NXF2B: variants seen among roughly 807,000 people sequenced by gnomAD.
The protein encoded by NXF2B is nuclear RNA export factor 2B, also known as nuclear RNA export factor 2.
chrX:102,404,835 GC>G (rs1404243222), intron 2 of NXF2B, among the ~76,000 whole-genome samples: 1 of 7,241 alleles, frequency 1.4e-4, no homozygotes, highest in African/African-American at 5.1e-4. Flanking sequence ...CTCAGCTCAT[GC>G]CCCCCCAACA....
At chrX:102,392,553 G>A (rs1934290624) in intron 2 of NXF2B, among the ~76,000 whole-genome samples, 1 of 94,391 alleles carries the variant, frequency 1.1e-5, no homozygotes, top group South Asian at 4.1e-4. Flanking sequence ...AATGGCACGT[G>A]TCCCAGTGAA....
At chrX:102,404,895 G>A (rs1220828252) in intron 2 of NXF2B, among the ~76,000 whole-genome samples, 1 of 27,241 alleles carries the variant, frequency 3.7e-5, no homozygotes, top group Non-Finnish European at 6.3e-5. Flanking sequence ...ACTGATCCCA[G>A]TGATCAGAAC....
intron 2 of NXF2B, among the ~76,000 whole-genome samples, chrX:102,397,581 C>G (rs1231976289): frequency 1.4e-5 from 1 of 69,857 alleles, no homozygotes; most frequent in Non-Finnish European, 2.7e-5. Context: ...TATAAAAACC[C>G]TAGAAGAAAA....
chrX:102,397,157 TTTCTTCACAGAA>T (rs1480263873), intron 2 of NXF2B, among the ~76,000 whole-genome samples: 4 of 82,513 alleles, frequency 4.8e-5, no homozygotes, highest in Non-Finnish European at 7.2e-5. Context: ...TACCAATGAC[TTTCTTCACAGAA>T]TTGGAAAAAA....
chrX:102,412,594 G>GAAGAAGAAGAA (rs1569471524), intron 2 of NXF2B, among the ~76,000 whole-genome samples: 78 of 4,928 alleles, frequency 0.016, 4 homozygotes, highest in South Asian at 0.052. Flanking sequence ...AAGAGGAAGA[G>GAAGAAGAAGAA]GAAGAAGAAG....
chrX:102,439,749 G>A (rs1184467660), intron 1 of NXF2B, 121 bp downstream of exon 1: 2 of 16,821 alleles, frequency 1.2e-4, no homozygotes, highest in Non-Finnish European at 2.3e-4. Flanking sequence ...AGCCGAGATC[G>A]CGACATTACG....
chrX:102,386,111 AT>A (rs1463839951), intron 2 of NXF2B, among the ~76,000 whole-genome samples: 1 of 114,886 alleles, frequency 8.7e-6, no homozygotes, highest in African/African-American at 3.1e-5. Context: ...CCAAGCCCTA[AT>A]TTTTTTGTAT....
chrX:102,438,403 G>A (rs1480731602), intron 2 of NXF2B, 150 bp downstream of exon 2: 1 of 24,356 alleles, frequency 4.1e-5, no homozygotes, highest in Non-Finnish European at 9.4e-5. Flanking sequence ...GTGTTCAGCC[G>A]CCCCCATAAC....
chrX:102,393,587 T>TAC (rs1934305343), intron 2 of NXF2B, among the ~76,000 whole-genome samples: 1 of 37,473 alleles, frequency 2.7e-5, no homozygotes, highest in Non-Finnish European at 4.6e-5. Context: ...TATATATATA[T>TAC]ATATATGGAA....
intron 2 of NXF2B, among the ~76,000 whole-genome samples, chrX:102,398,292 AG>A (rs1216135791): frequency 7.0e-5 from 3 of 42,666 alleles, no homozygotes; most frequent in Non-Finnish European, 1.2e-4. Context: ...TGTGGTGAAA[AG>A]GGAACACTTT....
intron 1 of NXF2B, among the ~76,000 whole-genome samples, chrX:102,377,148 T>TTGTGTGTG (rs781891878): frequency 1.5e-4 from 8 of 54,404 alleles, no homozygotes; most frequent in African/African-American, 4.7e-4. Flanking sequence ...GAGAGTGTAT[T>TTGTGTGTG]TGTGTGTGTG....
chrX:102,439,725 T>A, intron 1 of NXF2B, 145 bp downstream of exon 1: 1 of 4,561 alleles, frequency 2.2e-4, no homozygotes, highest in Non-Finnish European at 3.9e-4. Context: ...ACCCGGGAGG[T>A]GGGGGTTGTG....
intron 2 of NXF2B, among the ~76,000 whole-genome samples, chrX:102,438,242 C>T (rs1291139099): frequency 9.3e-4 from 10 of 10,720 alleles, no homozygotes; most frequent in Admixed American, 7.2e-3. Flanking sequence ...ACTACAAAGA[C>T]TTCCCCCTGA....
chrX:102,386,118 T>G, intron 2 of NXF2B, among the ~76,000 whole-genome samples: 1 of 114,984 alleles, frequency 8.7e-6, no homozygotes, highest in Non-Finnish European at 1.9e-5. Context: ...CTAATTTTTT[T>G]GTATTTTTAG....
At chrX:102,377,177 TGTGTGTGAGAGA>T (rs1468031608) in intron 1 of NXF2B, among the ~76,000 whole-genome samples, 20 of 74,869 alleles carry the variant, frequency 2.7e-4, no homozygotes, top group Non-Finnish European at 3.8e-4. Flanking sequence ...TGTGTGTGTG[TGTGTGTGAGAGA>T]GAGAGAGCGA....
In NXF2B at chrX:102,412,637, G is replaced by GAAGAAGA. The variant is rs1556393167; in HGVS notation, c.-54+25909_-54+25915dup. On this transcript the variant is annotated intron_variant, in intron 2 of 22. Transcript: ENST00000602195. ...AGAAGAAGAAGAAGAAGAAGAAGAA[G>GAAGAAGA]AAGAAGAAGTAGTCATCATCGTCGT... Among the ~76,000 whole-genome samples, 69 of 25,455 alleles carry GAAGAAGA rather than the reference G, an allele frequency of 2.7e-3. 16 individuals are homozygous for GAAGAAGA. Among genetic ancestry groups the GAAGAAGA allele is most frequent in the Non-Finnish European group, 4.2e-3 (47 of 11,266 alleles). The allele number at this position is 25,455 out of a possible 115,157, so 22.1% of individuals were successfully genotyped here. A position where few individuals can be genotyped will look rare whatever the true frequency, so the allele number is the denominator to read the frequency against.
rs1342457195 is a variant in NXF2B, at chrX:102,412,644, A to AAGAAGT, written c.-54+25908_-54+25909insACTTCT. On this transcript the variant is annotated intron_variant, in intron 2 of 22. Transcript: ENST00000602195. ...GAAGAAGAAGAAGAAGAAGAAGAAG[A>AAGAAGT]AGTAGTCATCATCGTCGTTGTTGTC... Among the ~76,000 whole-genome samples the AAGAAGT allele has an allele frequency of 4.5e-3, 135 of 30,073 alleles. 28 individuals carry two copies. The highest frequency in any genetic ancestry group is 0.022 in the African/African-American group (133 of 5,915). 26.1% of individuals were successfully genotyped at this position (30,073 alleles called of 115,157 possible). A position where few individuals can be genotyped will look rare whatever the true frequency, so the allele number is the denominator to read the frequency against.
intron 2 of NXF2B, among the ~76,000 whole-genome samples, chrX:102,405,196 A>G (rs1246322160): frequency 1.2e-5 from 1 of 85,410 alleles, no homozygotes; most frequent in Non-Finnish European, 2.3e-5. Flanking sequence ...AGGCTGAGGC[A>G]GGAGAATGGC....
exon 1 of NXF2B, chrX:102,439,901 G>C (rs1180313805): frequency 9.8e-5 from 1 of 10,237 alleles, no homozygotes; most frequent in Admixed American, 7.3e-4. Flanking sequence ...ACCAACCTGG[G>C]AGCTACACTT....
Sources: gnomAD v4.1 joint callset for allele counts (sites outside exome capture counted in the v4.1 genomes callset) on GRCh38, gnomAD v4.1.1 for gene constraint, MANE v1.5 for transcripts, NCBI Gene and HGNC (gene_info 2026-07-23, HGNC 2026-07-21) for gene names.